The following CNKSR2 variants were observed in gnomAD, a reference collection of about 807,000 sequenced individuals.
The protein encoded by CNKSR2 is CNK homolog protein 2.
CNKSR2 carries 14 observed loss-of-function variants against 84.4 expected under a neutral mutation model. That is an observed-to-expected ratio of 0.17 (90% CI 0.11 to 0.26). The LOEUF (loss-of-function observed/expected upper bound fraction) is 0.26. Ranked by LOEUF, CNKSR2 falls within the 10% of genes least tolerant of loss-of-function variation. The probability of loss-of-function intolerance (pLI) is 1.00; values close to 1 mark genes in which losing one functional copy is unlikely to be tolerated. For missense variants in CNKSR2, 485 were observed against 771.2 expected (o/e 0.63, Z 4.40); for synonymous variants, 275 against 277.9 (o/e 0.99, Z 0.10).
intron 13 of CNKSR2, among the ~76,000 whole-genome samples, chrX:21,574,998 G>C (rs756594121): frequency 6.3e-5 from 7 of 111,318 alleles, no homozygotes; most frequent in Non-Finnish European, 1.3e-4. Flanking sequence ...GAATGATACT[G>C]TGAATCATCC....
At chrX:21,563,533 A>ATT in intron 13 of CNKSR2, 81 bp downstream of exon 13, 1 of 722,517 alleles carries the variant, frequency 1.4e-6, no homozygotes, top group Non-Finnish European at 2.0e-6. Flanking sequence ...AGTCTAGGTT[A>ATT]TTTTTATCCT....
chrX:21,527,704 A>G (rs1035692202), intron 10 of CNKSR2, among the ~76,000 whole-genome samples: 2 of 111,222 alleles, frequency 1.8e-5, no homozygotes, highest in Non-Finnish European at 3.8e-5. Flanking sequence ...GCCTTGTGAA[A>G]TACAAAAATT....
Position 21,466,917 on chromosome X carries a change from G to A in CNKSR2, c.520-3849G>A, listed in dbSNP as rs1334998877. 8.1e-5 allele frequency among the ~76,000 whole-genome samples: 9 copies of A among 111,560 alleles called. No individual in the cohort carries two copies. In the East Asian group the frequency reaches 2.0e-3, roughly 24 times the overall value. On this transcript the variant is annotated intron_variant, in intron 4 of 21. Coordinates refer to ENST00000379510, the MANE Select transcript of CNKSR2 (RefSeq NM_014927.5). ...TTAATATGCTGCATCCTCACCCTTT[G>A]TGGAAAGCCTCTGGGTTTCAATAAC...
intron 5 of CNKSR2, among the ~76,000 whole-genome samples, chrX:21,473,419 A>G (rs775189771): frequency 9.0e-6 from 1 of 111,694 alleles, no homozygotes; most frequent in African/African-American, 3.3e-5. Flanking sequence ...ATATGAGGCT[A>G]GAATAGTTTC....
chrX:21,478,708 C>A (rs1309541743), intron 5 of CNKSR2, among the ~76,000 whole-genome samples: 2 of 111,172 alleles, frequency 1.8e-5, no homozygotes, highest in African/African-American at 6.5e-5. Context: ...CCCATTCTGG[C>A]ATTTACTAGC....
chrX:21,638,041 G>T (rs1002726398), intron 20 of CNKSR2, among the ~76,000 whole-genome samples: 12 of 111,708 alleles, frequency 1.1e-4, no homozygotes, highest in Admixed American at 8.5e-4. Context: ...TTCTGTCTTA[G>T]AACTCAAACA....
chrX:21,599,624 C>T (rs987945530), intron 17 of CNKSR2, among the ~76,000 whole-genome samples: 6 of 111,232 alleles, frequency 5.4e-5, no homozygotes, highest in African/African-American at 2.0e-4. Context: ...ATCGGCCTCC[C>T]AAAGTGCTGG....
At position 21,490,340 on chromosome X, in the gene CNKSR2, ATGCCAG is replaced by A. The variant is rs750734457; in HGVS notation, c.562-117_562-112del. The A allele has an allele frequency of 1.3e-3, 879 of 677,176 alleles. 1 individual carries two copies. Among genetic ancestry groups the A allele is most frequent in the Non-Finnish European group, 1.4e-3 (641 of 462,520 alleles). 55.8% of individuals were successfully genotyped at this position (677,176 alleles called of 1,213,427 possible). ...CTTTGTACAGATTTTACAGAATAAA[ATGCCAG>A]TTACTTTCTTCTACTGTTTATTTTT... On this transcript the variant is annotated intron_variant, in intron 5 of 21. Transcript: ENST00000379510.
chrX:21,446,476 G>A (rs1441427243), intron 4 of CNKSR2, among the ~76,000 whole-genome samples: 1 of 111,030 alleles, frequency 9.0e-6, no homozygotes, highest in African/African-American at 3.3e-5. Context: ...AGAGATAAGA[G>A]TGATGACATC....
chrX:21,495,915 T>G (rs1169378784), intron 6 of CNKSR2, among the ~76,000 whole-genome samples: 2 of 107,615 alleles, frequency 1.9e-5, no homozygotes, highest in Non-Finnish European at 3.8e-5. Context: ...CTTAGGTAAT[T>G]TCATCATTAT....
rs1353576519 is a variant in CNKSR2, at chrX:21,653,999, C to T, written c.*1478C>T. 9.0e-6 allele frequency: 1 copy of T among 111,200 alleles called. No individual in the cohort carries two copies. Among genetic ancestry groups the T allele is most frequent in the Non-Finnish European group, 1.9e-5 (1 of 53,081 alleles). The allele number at this position is 111,200 out of a possible 1,213,427, so 9.2% of individuals were successfully genotyped here. ...TGTAGAGGAGAAAGTAAAAACTCCA[C>T]AGCGGGGATCTTTTTCTTTGCTTTT... On this transcript the variant is annotated 3_prime_UTR_variant, in exon 22 of 22. Coordinates refer to ENST00000379510, the MANE Select transcript of CNKSR2 (RefSeq NM_014927.5).
At chrX:21,392,989 C>G (rs2090071884) in intron 1 of CNKSR2, among the ~76,000 whole-genome samples, 1 of 111,876 alleles carries the variant, frequency 8.9e-6, no homozygotes, top group Non-Finnish European at 1.9e-5. Context: ...TTCTAAAAAG[C>G]TCAGTCTTTG....
intron 11 of CNKSR2, among the ~76,000 whole-genome samples, chrX:21,533,130 G>A (rs2091899585): frequency 1.8e-5 from 2 of 110,989 alleles, no homozygotes; most frequent in South Asian, 3.7e-4. Context: ...CTCTGTACAT[G>A]TGCTTTTTAA....
chrX:21,593,859 T>C (rs2092435470), intron 15 of CNKSR2: 1 of 111,739 alleles, frequency 8.9e-6, no homozygotes, highest in Non-Finnish European at 1.9e-5. Flanking sequence ...CAAGAATACT[T>C]ATATACTGTT....
chrX:21,507,487 A>G (rs2091624827), intron 8 of CNKSR2, among the ~76,000 whole-genome samples: 1 of 111,568 alleles, frequency 9.0e-6, no homozygotes, highest in Non-Finnish European at 1.9e-5. Context: ...CCACAGTGAA[A>G]ATACAGCCAT....
chrX:21,590,998 T>G, intron 14 of CNKSR2, 24 bp from the exon 15 acceptor site: 11 of 1,166,640 alleles, frequency 9.4e-6, no homozygotes, highest in Non-Finnish European at 1.3e-5. Context: ...TTGACAAAAT[T>G]GAAAGAGCAT....
intron 13 of CNKSR2, among the ~76,000 whole-genome samples, chrX:21,578,436 T>G (rs1376581682): frequency 9.1e-6 from 1 of 110,477 alleles, no homozygotes; most frequent in Non-Finnish European, 1.9e-5. Flanking sequence ...GCTATATATT[T>G]AAATATATAT....
chrX:21,577,507 G>C (rs1260257959), intron 13 of CNKSR2, among the ~76,000 whole-genome samples: 1 of 111,322 alleles, frequency 9.0e-6, no homozygotes, highest in Admixed American at 9.6e-5. Flanking sequence ...GGACATACCT[G>C]CCTTTAGTTG....
intron 2 of CNKSR2, among the ~76,000 whole-genome samples, 173 bp from the exon 3 acceptor site, chrX:21,432,439 A>G (rs999303982): frequency 1.8e-5 from 2 of 111,555 alleles, no homozygotes; most frequent in Non-Finnish European, 3.8e-5. Context: ...TTTATATGAC[A>G]TCTTCCCAAA....
Sources: gnomAD v4.1 joint callset for allele counts (sites outside exome capture counted in the v4.1 genomes callset) on GRCh38, gnomAD v4.1.1 for gene constraint, MANE v1.5 for transcripts, NCBI Gene and HGNC (gene_info 2026-07-23, HGNC 2026-07-21) for gene names.